ADAMTSL1: variants seen among roughly 807,000 people sequenced by gnomAD.
ADAMTSL1 encodes the protein ADAMTS-like protein 1.
A neutral mutation model predicts 201.8 loss-of-function variants in ADAMTSL1; 126 were observed. The ratio of observed to expected loss-of-function variants is 0.62; its 90% CI spans 0.54 to 0.72. The LOEUF (loss-of-function observed/expected upper bound fraction) is 0.72, where lower values mean the gene tolerates loss of function less well. Among genes scored for constraint, ADAMTSL1 ranks in the 30% least tolerant of loss-of-function variants. The pLI is 0.00. For synonymous variants in ADAMTSL1, 1,121 were observed against 903.4 expected (o/e 1.24, Z -4.32); for missense variants, 2,679 against 2,277.8 (o/e 1.18, Z -3.59).
chr9:18,307,980 AT>A (rs1240828551), intron 2 of ADAMTSL1, among the ~76,000 whole-genome samples: 4 of 152,206 alleles, frequency 2.6e-5, no homozygotes, highest in Non-Finnish European at 4.4e-5. Context: ...AAGGACAGAA[AT>A]CATAACAAAC....
chr9:17,976,970 C>T (rs939414444), intron 1 of ADAMTSL1, among the ~76,000 whole-genome samples: 2 of 151,996 alleles, frequency 1.3e-5, no homozygotes, highest in African/African-American at 2.4e-5. Context: ...GGGCTTATCA[C>T]ACATAGTCTT....
At chr9:18,111,804 A>G (rs1587075910) in intron 1 of ADAMTSL1, among the ~76,000 whole-genome samples, 1 of 152,298 alleles carries the variant, frequency 6.6e-6, no homozygotes, top group Non-Finnish European at 1.5e-5. Flanking sequence ...AGAAAAGTCA[A>G]CCACTGGCTA....
chr9:18,206,709 A>G (rs775193059), intron 2 of ADAMTSL1, among the ~76,000 whole-genome samples: 6 of 152,170 alleles, frequency 3.9e-5, no homozygotes, highest in Non-Finnish European at 7.3e-5. Flanking sequence ...TTCTTTGAGA[A>G]TATGAATTCC....
At chr9:18,075,411 A>G (rs1253710510) in intron 1 of ADAMTSL1, among the ~76,000 whole-genome samples, 1 of 152,202 alleles carries the variant, frequency 6.6e-6, no homozygotes, top group Non-Finnish European at 1.5e-5. Flanking sequence ...GGTGGGAGCC[A>G]CAAGTACGTT....
intron 2 of ADAMTSL1, among the ~76,000 whole-genome samples, chr9:18,192,782 G>A (rs902048976): frequency 6.6e-6 from 1 of 152,060 alleles, no homozygotes; most frequent in South Asian, 2.1e-4. Flanking sequence ...TGGTTTTAGA[G>A]AATGAAAGAA....
intron 4 of ADAMTSL1, among the ~76,000 whole-genome samples, chr9:18,610,127 C>T (rs773480185): frequency 6.6e-6 from 1 of 152,022 alleles, no homozygotes; most frequent in African/African-American, 2.4e-5. Context: ...ACTATGGTCT[C>T]GCTGGTCTTA....
intron 2 of ADAMTSL1, among the ~76,000 whole-genome samples, chr9:18,290,381 A>G (rs1055394614): frequency 3.3e-5 from 5 of 151,782 alleles, no homozygotes; most frequent in Admixed American, 1.3e-4. Context: ...TATTCCCACT[A>G]TTTGGTGTGC....
chr9:18,298,776 C>T (rs1833576787), intron 2 of ADAMTSL1, among the ~76,000 whole-genome samples: 2 of 151,940 alleles, frequency 1.3e-5, no homozygotes, highest in South Asian at 4.2e-4. Context: ...GTAATCCCAG[C>T]ACTTTGGGAG....
intron 1 of ADAMTSL1, among the ~76,000 whole-genome samples, chr9:17,927,975 T>C (rs967115540): frequency 1.3e-5 from 2 of 151,528 alleles, no homozygotes; most frequent in Non-Finnish European, 2.9e-5. Context: ...GTGGTTCTTT[T>C]TCTTTTCTTT....
At chr9:18,471,311 G>C (rs1821201530), upstream of ADAMTSL1, among the ~76,000 whole-genome samples, 1 of 152,136 alleles carries the variant, frequency 6.6e-6, no homozygotes, top group Non-Finnish European at 1.5e-5. Context: ...TATGAGATGA[G>C]GGTGGATTTA....
chr9:17,998,919 G>A (rs919999006), intron 1 of ADAMTSL1, among the ~76,000 whole-genome samples: 2 of 152,176 alleles, frequency 1.3e-5, no homozygotes, highest in African/African-American at 2.4e-5. Context: ...CAAGCCTGCT[G>A]TGCATCAAGT....
chr9:18,680,443 C>T lies in ADAMTSL1; in HGVS notation c.1268C>T (p.Thr423Ile), dbSNP rs767052805. The T allele has an allele frequency of 7.4e-6, 12 of 1,614,060 alleles. No homozygotes were observed. In the African/African-American group the frequency reaches 1.2e-4, roughly 16 times the overall value. Residue 423 changes from threonine (T) to isoleucine (I), a missense_variant, in exon 11 of 29, where the codon ACC (threonine) becomes ATC (isoleucine). Transcript: ENST00000380548. ...TSVEEWKCMYTPKMPIAQPCN... is the reference protein window; with the variant it reads ...TSVEEWKCMYIPKMPIAQPCN... ...GTGGAAGAGTGGAAATGCATGTACA[C>T]CCCTAAGATGCCCATCGCGCAGCCC...
chr9:18,735,216 A>G (rs1284574031), intron 15 of ADAMTSL1, among the ~76,000 whole-genome samples: 1 of 152,180 alleles, frequency 6.6e-6, no homozygotes, highest in African/African-American at 2.4e-5. Context: ...AAAACTATGG[A>G]AGACAGAAGG....
intron 13 of ADAMTSL1, among the ~76,000 whole-genome samples, chr9:18,688,567 C>G (rs1193813075): frequency 7.1e-6 from 1 of 140,412 alleles, no homozygotes; most frequent in Non-Finnish European, 1.5e-5. Context: ...ACTCAGGAGT[C>G]TGCGGCTGGA....
chr9:18,311,210 G>C (rs867448591), intron 2 of ADAMTSL1, among the ~76,000 whole-genome samples: 1 of 152,100 alleles, frequency 6.6e-6, no homozygotes. Flanking sequence ...GTCAGGGGGT[G>C]GGGGGCTAGG....
At chr9:18,621,612 T>A (rs1405923019) in intron 4 of ADAMTSL1, among the ~76,000 whole-genome samples, 8 of 151,098 alleles carry the variant, frequency 5.3e-5, no homozygotes, top group Admixed American at 4.0e-4. Flanking sequence ...TAAGTTTGTA[T>A]CTGTTTGCTG....
chr9:18,403,038 C>T (rs12353328), intron 2 of ADAMTSL1, among the ~76,000 whole-genome samples: 40,923 of 151,894 alleles, frequency 0.27, 5,752 homozygotes, highest in Non-Finnish European at 0.3. Context: ...GATGACACTG[C>T]TAGTAAATGG....
intron 1 of ADAMTSL1, among the ~76,000 whole-genome samples, chr9:18,111,274 G>A (rs1824994402): frequency 6.6e-6 from 1 of 152,112 alleles, no homozygotes; most frequent in Non-Finnish European, 1.5e-5. Context: ...ACATTGAATT[G>A]TAATTTGTTT....
At chr9:18,645,734 T>C (rs1827764376) in intron 7 of ADAMTSL1, among the ~76,000 whole-genome samples, 1 of 147,832 alleles carries the variant, frequency 6.8e-6, no homozygotes, top group African/African-American at 2.5e-5. Flanking sequence ...CTCTGTTCTG[T>C]TCCATTGATC....
Sources: gnomAD v4.1 joint callset for allele counts (sites outside exome capture counted in the v4.1 genomes callset) on GRCh38, gnomAD v4.1.1 for gene constraint, MANE v1.5 for transcripts, NCBI Gene and HGNC (gene_info 2026-07-23, HGNC 2026-07-21) for gene names.